Variants in CHCHD3 observed in about 807,000 individuals in gnomAD.
The protein encoded by CHCHD3 is MICOS complex subunit MIC19.
CHCHD3 carries 20 observed loss-of-function variants against 38.2 expected under a neutral mutation model. The ratio of observed to expected loss-of-function variants is 0.52; its 90% confidence interval spans 0.37 to 0.76. The LOEUF (loss-of-function observed/expected upper bound fraction) is 0.76, where lower values mean the gene tolerates loss of function less well. Ranked by LOEUF, CHCHD3 falls within the 30% of genes least tolerant of loss-of-function variation. The pLI is 0.00. For missense variants in CHCHD3, 245 were observed against 279.2 expected, an observed-to-expected ratio of 0.88 and a Z score of 0.87; for synonymous variants, 82 against 100.0, an observed-to-expected ratio of 0.82 and a Z score of 1.07.
At chr7:132,966,106 C>A (rs972515623) in intron 4 of CHCHD3, among the ~76,000 whole-genome samples, 1 of 152,124 alleles carries the variant, frequency 6.6e-6, no homozygotes, top group African/African-American at 2.4e-5. Context: ...TCAGAATCAT[C>A]TAAAATGACT....
intron 4 of CHCHD3, among the ~76,000 whole-genome samples, chr7:132,892,713 T>C (rs1278753408): frequency 6.6e-6 from 1 of 152,128 alleles, no homozygotes; most frequent in Non-Finnish European, 1.5e-5. Context: ...CTTGGTGCCC[T>C]GAGTCCCAGC....
At chr7:132,963,733 C>T (rs1187618166) in intron 4 of CHCHD3, among the ~76,000 whole-genome samples, 1 of 131,264 alleles carries the variant, frequency 7.6e-6, no homozygotes, top group Non-Finnish European at 1.6e-5. Context: ...AATGTTAATA[C>T]TCAGTTGTTA....
At chr7:132,816,589 C>T (rs1005756117) in intron 6 of CHCHD3, among the ~76,000 whole-genome samples, 1 of 152,300 alleles carries the variant, frequency 6.6e-6, no homozygotes, top group East Asian at 1.9e-4. Context: ...TTAGCTCCCC[C>T]CAAATCCGAG....
intron 3 of CHCHD3, among the ~76,000 whole-genome samples, chr7:132,985,747 C>A (rs1249114725): frequency 2.2e-5 from 2 of 91,848 alleles, no homozygotes; most frequent in African/African-American, 4.1e-5. Context: ...GTCAGCCCCC[C>A]ACCCGGCCAG....
At chr7:132,835,217 A>G (rs1451288506) in intron 6 of CHCHD3, among the ~76,000 whole-genome samples, 1 of 151,736 alleles carries the variant, frequency 6.6e-6, no homozygotes, top group Non-Finnish European at 1.5e-5. Context: ...CCTGGGGTCA[A>G]GCAATCCACC....
chr7:133,035,982 GGGGAACTGTTTTAATGAAACT>G lies in CHCHD3; in HGVS notation c.170-11376_170-11356del, dbSNP rs1276591998. 1 of 1,148,624 alleles carries G rather than the reference GGGGAACTGTTTTAATGAAACT, an allele frequency of 8.7e-7. No homozygotes were observed. The highest frequency in any genetic ancestry group is 2.0e-5 in the Admixed American group (1 of 50,628). 71.2% of individuals were successfully genotyped at this position (1,148,624 alleles called of 1,614,324 possible). A position where few individuals can be genotyped will look rare whatever the true frequency, so the allele number is the denominator to read the frequency against. On this transcript the variant is annotated intron_variant, in intron 2 of 7. Transcript: ENST00000262570. This position sits in a 1 kb window ranked among gnomAD's most constrained non-coding sequence, Gnocchi z 4.7. ...AAGTGTTATCAGGTAGGGGTCCTTAGGGGAACTGTTTTAATGAAACTAGTAATTAGAATACCAACTTATTCT... is the reference window on the plus strand; with the variant it reads ...AAGTGTTATCAGGTAGGGGTCCTTAGAGTAATTAGAATACCAACTTATTCT...
chr7:132,883,247 T>C (rs1047636095), intron 5 of CHCHD3, among the ~76,000 whole-genome samples: 1 of 152,190 alleles, frequency 6.6e-6, no homozygotes, highest in Non-Finnish European at 1.5e-5. Flanking sequence ...GCTCTAGGTA[T>C]AGAAGTAAAA....
In CHCHD3 at chr7:132,785,642, C is replaced by T. The variant is rs756826972; in HGVS notation, c.679G>A (p.Gly227Arg). 26 of 1,613,660 alleles carry T rather than the reference C, an allele frequency of 1.6e-5. No individual in the cohort carries two copies. The highest frequency in any genetic ancestry group is 2.1e-5 in the Non-Finnish European group (25 of 1,179,934). Residue 227 changes from glycine to arginine, a missense_variant, in exon 8 of 8, where the codon GGA becomes AGA. Coordinates refer to ENST00000262570, the MANE Select transcript of CHCHD3 (RefSeq NM_017812.4). Reference sequence around the variant, plus strand: ...TTTGCTCATTCTGAAAGTTTTTATCCTCCCTTCTCAAGCATGCTCTGCAAG... The same window carrying T: ...TTTGCTCATTCTGAAAGTTTTTATCTTCCCTTCTCAAGCATGCTCTGCAAG... ...HAKQSMLEKG[G>R]
intron 2 of CHCHD3, among the ~76,000 whole-genome samples, chr7:133,032,400 C>T (rs1372449643): frequency 6.6e-6 from 1 of 152,148 alleles, no homozygotes; most frequent in Non-Finnish European, 1.5e-5. Flanking sequence ...ATCATAAATA[C>T]TGTACCAGAA....
intron 6 of CHCHD3, among the ~76,000 whole-genome samples, chr7:132,831,022 G>T (rs1319880746): frequency 6.6e-6 from 1 of 152,118 alleles, no homozygotes; most frequent in East Asian, 1.9e-4. Flanking sequence ...GGGAAAAAAG[G>T]CCCAATACAA....
intron 4 of CHCHD3, among the ~76,000 whole-genome samples, chr7:132,968,532 T>A (rs1395775548): frequency 1.3e-5 from 2 of 152,302 alleles, no homozygotes; most frequent in Non-Finnish European, 1.5e-5. Context: ...CATATCCAAA[T>A]AATTGGAGGT....
At chr7:133,026,056 G>T (rs569412241) in intron 2 of CHCHD3, among the ~76,000 whole-genome samples, 4 of 152,194 alleles carry the variant, frequency 2.6e-5, no homozygotes, top group South Asian at 4.2e-4. Context: ...AGCATCCAGT[G>T]ATACCATCAA....
At chr7:132,917,294 CA>C (rs11329832) in intron 4 of CHCHD3, among the ~76,000 whole-genome samples, 29,482 of 146,920 alleles carry the variant, frequency 0.2, 3,142 homozygotes, top group South Asian at 0.27. Context: ...TGAATTCTTA[CA>C]AAAAAAAAAA....
chr7:132,850,439 T>TG (rs939508784), intron 5 of CHCHD3, among the ~76,000 whole-genome samples: 158 of 16,822 alleles, frequency 9.4e-3, no homozygotes, highest in African/African-American at 0.048. Context: ...GAGTCTCAGG[T>TG]TTTTTTTTTT....
intron 2 of CHCHD3, among the ~76,000 whole-genome samples, chr7:133,041,339 A>G (rs1241455361): frequency 1.3e-5 from 2 of 152,240 alleles, no homozygotes; most frequent in African/African-American, 4.8e-5. Context: ...CAAGGAATTT[A>G]TAGATTGCAC....
intron 2 of CHCHD3, among the ~76,000 whole-genome samples, chr7:133,030,810 C>T (rs1408174492): frequency 6.6e-6 from 1 of 152,146 alleles, no homozygotes; most frequent in Non-Finnish European, 1.5e-5. Flanking sequence ...TAGATATAAA[C>T]ACTGATCATA....
intron 6 of CHCHD3, among the ~76,000 whole-genome samples, chr7:132,827,287 G>A (rs1807531135): frequency 6.6e-6 from 1 of 152,160 alleles, no homozygotes; most frequent in Non-Finnish European, 1.5e-5. Flanking sequence ...TTTGGGTTCT[G>A]GAATTTGGAA....
intron 2 of CHCHD3, among the ~76,000 whole-genome samples, chr7:133,031,904 T>G (rs1180486268): frequency 6.6e-6 from 1 of 152,202 alleles, no homozygotes; most frequent in Non-Finnish European, 1.5e-5. Flanking sequence ...AAATACTCAT[T>G]AATCTTATAA....
chr7:132,946,798 C>T (rs566669703), intron 4 of CHCHD3, among the ~76,000 whole-genome samples: 2 of 151,660 alleles, frequency 1.3e-5, no homozygotes, highest in South Asian at 4.2e-4. Context: ...AATAAATGAG[C>T]GAATTATATT....
Sources: gnomAD v4.1 joint callset for allele counts (sites outside exome capture counted in the v4.1 genomes callset) on GRCh38, gnomAD v4.1.1 for gene constraint, Gnocchi (gnomAD v3.1) non-coding constraint, MANE v1.5 for transcripts, NCBI Gene and HGNC (gene_info 2026-07-23, HGNC 2026-07-21) for gene names.